The following IMMP2L variants were observed in gnomAD, a reference collection of about 807,000 sequenced individuals.
IMMP2L encodes mitochondrial inner membrane protease subunit 2.
A neutral mutation model predicts 19.3 loss-of-function variants in IMMP2L; 18 were observed. The observed-to-expected ratio is 0.93, with a 90% confidence interval of 0.64 to 1.38. The LOEUF is 1.38. Among genes scored for constraint, IMMP2L ranks in the 40% most tolerant of loss-of-function variants. The pLI is 0.00. For missense variants in IMMP2L, 233 were observed against 218.2 expected, an observed-to-expected ratio of 1.07 and a Z score of -0.43; for synonymous variants, 76 against 73.0, an observed-to-expected ratio of 1.04 and a Z score of -0.21.
intron 3 of IMMP2L, among the ~76,000 whole-genome samples, chr7:111,102,227 T>C (rs570242060): frequency 2.6e-5 from 4 of 151,700 alleles, no homozygotes; most frequent in Non-Finnish European, 5.9e-5. Flanking sequence ...GGGTATTTCA[T>C]AGCACATTGA....
chr7:111,425,643 G>A (rs1454892211), intron 3 of IMMP2L, among the ~76,000 whole-genome samples: 2 of 151,018 alleles, frequency 1.3e-5, no homozygotes, highest in Non-Finnish European at 1.5e-5. Flanking sequence ...TGACTTCTCT[G>A]TATGTTTGAA....
intron 3 of IMMP2L, among the ~76,000 whole-genome samples, chr7:111,302,283 A>C (rs576200079): frequency 6.6e-6 from 1 of 152,240 alleles, no homozygotes; most frequent in East Asian, 1.9e-4. Context: ...ACTACCTGAA[A>C]ATTTTATCAT....
chr7:110,899,797 C>G (rs1811681221), intron 4 of IMMP2L, among the ~76,000 whole-genome samples: 1 of 152,270 alleles, frequency 6.6e-6, no homozygotes, highest in South Asian at 2.1e-4. Flanking sequence ...TGTATGTTTG[C>G]TATTAAACAT....
At chr7:111,324,535 T>C (rs1825102696) in intron 3 of IMMP2L, among the ~76,000 whole-genome samples, 1 of 151,902 alleles carries the variant, frequency 6.6e-6, no homozygotes, top group Non-Finnish European at 1.5e-5. Context: ...AAAGATGCTA[T>C]AAAACATGAA....
chr7:111,348,438 A>C (rs570765897), intron 3 of IMMP2L, among the ~76,000 whole-genome samples: 1 of 152,198 alleles, frequency 6.6e-6, no homozygotes, highest in African/African-American at 2.4e-5. Flanking sequence ...CCACTCCCTA[A>C]AACACAGTAG....
At chr7:111,331,432 G>A (rs1291071986) in intron 3 of IMMP2L, among the ~76,000 whole-genome samples, 2 of 151,844 alleles carry the variant, frequency 1.3e-5, no homozygotes, top group Non-Finnish European at 2.9e-5. Flanking sequence ...AGTAAGGAAT[G>A]GGGAAATGAT....
intron 4 of IMMP2L, among the ~76,000 whole-genome samples, chr7:110,944,892 T>A (rs1817100117): frequency 6.6e-6 from 1 of 151,924 alleles, no homozygotes; most frequent in African/African-American, 2.4e-5. Context: ...TGACATACAT[T>A]TAGAATGTTT....
intron 3 of IMMP2L, among the ~76,000 whole-genome samples, chr7:111,422,727 T>A (rs1835692432): frequency 6.6e-6 from 1 of 151,884 alleles, no homozygotes; most frequent in African/African-American, 2.4e-5. Context: ...CTTGCCTGAT[T>A]GCCCTGGCCA....
chr7:111,306,512 CTTTA>C (rs1392995912), intron 3 of IMMP2L, among the ~76,000 whole-genome samples: 3 of 151,772 alleles, frequency 2.0e-5, no homozygotes, highest in Non-Finnish European at 4.4e-5. Context: ...ATAAATCTGT[CTTTA>C]TTTATTTGGT....
chr7:110,917,102 A>T (rs1813695453), intron 4 of IMMP2L, among the ~76,000 whole-genome samples: 2 of 152,178 alleles, frequency 1.3e-5, no homozygotes, highest in Admixed American at 6.6e-5. Context: ...CAAAAAACAC[A>T]CGTGGGAGAA....
chr7:111,050,994 G>C (rs980615518), intron 3 of IMMP2L, among the ~76,000 whole-genome samples: 1 of 152,136 alleles, frequency 6.6e-6, no homozygotes, highest in African/African-American at 2.4e-5. Context: ...GGGAAACAAA[G>C]GATAAAAGAA....
In IMMP2L at chr7:110,822,345, T is replaced by C. The variant is rs542103628; in HGVS notation, c.408+64248A>G. ...GCAGGACATAAAAGATCCTCTGTGA[T>C]TGACAACCATTAATTCACCATCTTT... On this transcript the variant is annotated intron_variant, in intron 5 of 5. Coordinates refer to ENST00000405709, the MANE Select transcript of IMMP2L (RefSeq NM_032549.4). Among the ~76,000 whole-genome samples, 53 of 152,274 alleles carry C rather than the reference T, an allele frequency of 3.5e-4. No individual in the cohort carries two copies. The South Asian group carries it at 7.2e-3, about 21-fold the overall frequency.
intron 3 of IMMP2L, among the ~76,000 whole-genome samples, chr7:111,151,348 A>T (rs2129602851): frequency 6.6e-6 from 1 of 152,314 alleles, no homozygotes; most frequent in African/African-American, 2.4e-5. Context: ...AAACAGGTTC[A>T]ATGAAAATAC....
At chr7:111,016,413 A>G (rs1018889893) in intron 3 of IMMP2L, among the ~76,000 whole-genome samples, 7 of 140,164 alleles carry the variant, frequency 5.0e-5, no homozygotes, top group Non-Finnish European at 9.1e-5. Flanking sequence ...TATTTTATAT[A>G]ATATATATTT....
Position 110,714,080 on chromosome 7 carries a change from T to A in IMMP2L, c.409-50359A>T, listed in dbSNP as rs868238716. Among the ~76,000 whole-genome samples, 14 of 152,324 alleles carry A rather than the reference T, an allele frequency of 9.2e-5. No individual in the cohort carries two copies. In the Middle Eastern group the frequency reaches 0.01, roughly 111 times the overall value. On this transcript the variant is annotated intron_variant, in intron 5 of 5. Coordinates refer to ENST00000405709, the MANE Select transcript of IMMP2L (RefSeq NM_032549.4). ...CTGTGGGTCTGTCATAGATGGCTCA[T>A]ATTATTTTGATGTATTTTCCTTTAA... is the stretch of plus-strand genomic sequence containing the variant.
At chr7:111,453,646 G>A (rs1456686945) in intron 3 of IMMP2L, among the ~76,000 whole-genome samples, 1 of 152,020 alleles carries the variant, frequency 6.6e-6, no homozygotes, top group African/African-American at 2.4e-5. Flanking sequence ...TGGTTAATAG[G>A]GAGTCAGTGA....
intron 3 of IMMP2L, among the ~76,000 whole-genome samples, chr7:111,295,724 A>G (rs973640198): frequency 2.0e-5 from 3 of 151,882 alleles, no homozygotes; most frequent in Non-Finnish European, 4.4e-5. Flanking sequence ...AAATTTATAT[A>G]TATATAAAAC....
intron 5 of IMMP2L, among the ~76,000 whole-genome samples, chr7:110,865,818 G>T (rs1221463597): frequency 2.0e-5 from 3 of 151,650 alleles, no homozygotes; most frequent in African/African-American, 7.3e-5. Context: ...GGAAAATTAT[G>T]TAAGAACCCT....
intron 3 of IMMP2L, among the ~76,000 whole-genome samples, chr7:111,362,021 T>G (rs928157219): frequency 4.6e-5 from 7 of 152,140 alleles, no homozygotes. Context: ...TTGCAAAGGC[T>G]ATAATTTCTA....
Sources: allele counts gnomAD v4.1 joint callset (sites outside exome capture counted in the v4.1 genomes callset), GRCh38; gene constraint gnomAD v4.1.1; transcripts MANE v1.5; gene names NCBI Gene and HGNC (gene_info 2026-07-23, HGNC 2026-07-21).